Variants in NECTIN3 observed in about 807,000 individuals in gnomAD.
The protein encoded by NECTIN3 is nectin cell adhesion molecule 3, also known as nectin-3.
In NECTIN3, 8 loss-of-function variants were observed where a neutral mutation model predicts 49.4. The observed-to-expected ratio is 0.16, with a 90% CI of 0.10 to 0.29. The LOEUF (loss-of-function observed/expected upper bound fraction) is 0.29. Among genes scored for constraint, NECTIN3 ranks in the 10% least tolerant of loss-of-function variants. The pLI, the probability that NECTIN3 is intolerant of heterozygous loss-of-function variation, is 1.00. For synonymous variants in NECTIN3, 277 were observed against 241.1 expected, an observed-to-expected ratio of 1.15 and a Z score of -1.38; for missense variants, 581 against 654.6, an observed-to-expected ratio of 0.89 and a Z score of 1.23.
At chr3:111,103,440 A>G (rs2033018840) in intron 1 of NECTIN3, among the ~76,000 whole-genome samples, 1 of 151,260 alleles carries the variant, frequency 6.6e-6, no homozygotes, top group Non-Finnish European at 1.5e-5. Context: ...CTGATACGTA[A>G]GAAAGTGATT....
chr3:111,102,613 A>G (rs1358383408), intron 1 of NECTIN3, among the ~76,000 whole-genome samples: 4 of 152,126 alleles, frequency 2.6e-5, no homozygotes, highest in Non-Finnish European at 5.9e-5. Flanking sequence ...TATTCTCTTT[A>G]TAGTGTGTTT....
intron 1 of NECTIN3, among the ~76,000 whole-genome samples, chr3:111,090,624 T>A (rs985680620): frequency 4.0e-5 from 6 of 150,498 alleles, no homozygotes; most frequent in Non-Finnish European, 8.9e-5. Flanking sequence ...TGCATCTTTA[T>A]TTTTTTATAC....
intron 1 of NECTIN3, among the ~76,000 whole-genome samples, chr3:111,084,367 G>T (rs975651176): frequency 2.0e-5 from 3 of 152,188 alleles, no homozygotes; most frequent in African/African-American, 7.2e-5. Flanking sequence ...ACATGGACTT[G>T]TGAAACGTGA....
At chr3:111,186,217 C>T (rs2035717509) in intron 7 of NECTIN3, among the ~76,000 whole-genome samples, 1 of 151,794 alleles carries the variant, frequency 6.6e-6, no homozygotes, top group African/African-American at 2.4e-5. Context: ...TTTTAAAATT[C>T]ATATGGAACC....
chr3:111,144,644 T>C (rs2034831012), intron 5 of NECTIN3, among the ~76,000 whole-genome samples: 1 of 152,004 alleles, frequency 6.6e-6, no homozygotes, highest in African/African-American at 2.4e-5. Flanking sequence ...ATATCGAGAA[T>C]ATATTCTCTT....
At chr3:111,091,504 G>A (rs1051272710) in intron 1 of NECTIN3, among the ~76,000 whole-genome samples, 6 of 152,112 alleles carry the variant, frequency 3.9e-5, no homozygotes, top group East Asian at 1.9e-4. Context: ...CACCCGCCTC[G>A]GCCTCCAGAG....
intron 4 of NECTIN3, among the ~76,000 whole-genome samples, chr3:111,124,473 G>C (rs2034080649): frequency 6.6e-6 from 1 of 152,092 alleles, no homozygotes; most frequent in African/African-American, 2.4e-5. Flanking sequence ...AAAGTACAAA[G>C]GTAATTGTTA....
intron 1 of NECTIN3, among the ~76,000 whole-genome samples, chr3:111,092,232 C>A (rs1229373471): frequency 6.6e-6 from 1 of 152,118 alleles, no homozygotes; most frequent in Non-Finnish European, 1.5e-5. Flanking sequence ...CAAATGATTT[C>A]TTTTGGTCTG....
At chr3:111,178,858 A>G (rs2035578655) in intron 7 of NECTIN3, among the ~76,000 whole-genome samples, 1 of 152,190 alleles carries the variant, frequency 6.6e-6, no homozygotes, top group African/African-American at 2.4e-5. Flanking sequence ...AGCTCTACAT[A>G]CTTGGAACCA....
At chr3:111,171,850 G>C (rs1439175004) in intron 7 of NECTIN3, among the ~76,000 whole-genome samples, 2 of 152,024 alleles carry the variant, frequency 1.3e-5, no homozygotes, top group Non-Finnish European at 2.9e-5. Context: ...CCTGCTAAAG[G>C]TCTGTTACAC....
chr3:111,117,520 A>T (rs182092005), intron 2 of NECTIN3, among the ~76,000 whole-genome samples: 1 of 152,224 alleles, frequency 6.6e-6, no homozygotes, highest in African/African-American at 2.4e-5. Flanking sequence ...GTACTTTTTC[A>T]TTTGTTATTT....
Position 111,135,415 on chromosome 3 carries a change from A to C in NECTIN3, c.*1200A>C. ...TGTTTTTGTTTTTTTACATAATTAC[A>C]TATATTCCTTCTGAATCATTTATCT... On this transcript the variant is annotated 3_prime_UTR_variant, in exon 6 of 6. Coordinates refer to ENST00000485303, the MANE Select transcript of NECTIN3 (RefSeq NM_015480.3). 2 of 930,940 alleles carry C rather than the reference A, an allele frequency of 2.1e-6. No individual in the cohort carries two copies. The highest frequency in any genetic ancestry group is 2.6e-6 in the Non-Finnish European group (2 of 780,618). The allele number at this position is 930,940 out of a possible 1,614,324, so 57.7% of individuals were successfully genotyped here.
intron 5 of NECTIN3, among the ~76,000 whole-genome samples, chr3:111,132,800 A>G (rs1400608719): frequency 5.3e-5 from 8 of 151,904 alleles, no homozygotes; most frequent in African/African-American, 1.9e-4. Context: ...TTTTGCAGAT[A>G]TAGTTGAAGT....
Position 111,072,454 on chromosome 3 carries a change from G to A in NECTIN3, c.160+277G>A, listed in dbSNP as rs549159688. On this transcript the variant is annotated intron_variant, in intron 1 of 5. Transcript: ENST00000485303. ...GGTTGGCGATGGTGCTTCGTGCGCC[G>A]AACTCCGGGTTTGCTCCGGGGACCG... 820 of 1,535,088 alleles carry A rather than the reference G, an allele frequency of 5.3e-4. 3 individuals are homozygous for A. The African/African-American group carries it at 9.1e-3, about 17-fold the overall frequency.
chr3:111,144,831 A>G (rs2034835023), intron 5 of NECTIN3: 3 of 1,460,956 alleles, frequency 2.1e-6, no homozygotes, highest in Non-Finnish European at 2.8e-6. Flanking sequence ...CACATTGTAG[A>G]AAAGGTATGC....
chr3:111,081,240 C>T (rs188797185), intron 1 of NECTIN3, among the ~76,000 whole-genome samples: 41 of 152,310 alleles, frequency 2.7e-4, no homozygotes, highest in Non-Finnish European at 8.8e-5. Flanking sequence ...AAGATTTTGC[C>T]TCTGCATTCC....
At chr3:111,102,779 G>T (rs1432759675) in intron 1 of NECTIN3, among the ~76,000 whole-genome samples, 1 of 151,848 alleles carries the variant, frequency 6.6e-6, no homozygotes, top group Non-Finnish European at 1.5e-5. Context: ...TTGTAGTTTT[G>T]CATTTTATAC....
intron 1 of NECTIN3, among the ~76,000 whole-genome samples, chr3:111,092,550 A>G (rs567415082): frequency 6.6e-6 from 1 of 152,176 alleles, no homozygotes; most frequent in South Asian, 2.1e-4. Context: ...TGTTGAAAAG[A>G]TTATTCTTTT....
chr3:111,147,107 C>T (rs2034891644), intron 6 of NECTIN3, among the ~76,000 whole-genome samples: 1 of 152,138 alleles, frequency 6.6e-6, no homozygotes. Context: ...TTAAAACATG[C>T]ACTAAAGTAA....
Sources: gnomAD v4.1 joint callset for allele counts (sites outside exome capture counted in the v4.1 genomes callset) on GRCh38, gnomAD v4.1.1 for gene constraint, MANE v1.5 for transcripts, NCBI Gene and HGNC (gene_info 2026-07-23, HGNC 2026-07-21) for gene names.